The following PTPRD variants were observed in gnomAD, a reference collection of about 807,000 sequenced individuals.
The protein encoded by PTPRD is protein tyrosine phosphatase receptor type D.
A neutral mutation model predicts 214.5 loss-of-function variants in PTPRD; 34 were observed. The observed-to-expected ratio is 0.16, with a 90% CI of 0.12 to 0.21. The LOEUF (loss-of-function observed/expected upper bound fraction) is 0.21, where lower values mean the gene tolerates loss of function less well. Among genes scored for constraint, PTPRD ranks in the 10% least tolerant of loss-of-function variants. PTPRD has a pLI of 1.00. For synonymous variants in PTPRD, 1,128 were observed against 845.7 expected, an observed-to-expected ratio of 1.33 and a Z score of -5.79; for missense variants, 2,545 against 2,398.7, an observed-to-expected ratio of 1.06 and a Z score of -1.27.
At chr9:8,955,850 A>G (rs186307060) in intron 11 of PTPRD, among the ~76,000 whole-genome samples, 223 of 152,040 alleles carry the variant, frequency 1.5e-3, no homozygotes, top group Non-Finnish European at 2.5e-3. Flanking sequence ...AAAGAAGAAA[A>G]GAAACTCATG....
intron 14 of PTPRD, among the ~76,000 whole-genome samples, chr9:8,625,044 A>G (rs2095973106): frequency 6.6e-6 from 1 of 151,818 alleles, no homozygotes. Flanking sequence ...TGCCCAATAA[A>G]TGCCAGGAAC....
chr9:9,468,971 A>C (rs1280367617), intron 8 of PTPRD, among the ~76,000 whole-genome samples: 2 of 152,152 alleles, frequency 1.3e-5, no homozygotes, highest in Non-Finnish European at 1.5e-5. Context: ...GGGAAACTGT[A>C]CCATTCAATC....
chr9:8,485,819 T>C lies in PTPRD; in HGVS notation c.2998A>G (p.Lys1000Glu), dbSNP rs773714012. 6.2e-7 allele frequency: 1 copy of C among 1,614,110 alleles called. No individual in the cohort carries two copies. Among genetic ancestry groups the C allele is most frequent in the South Asian group, 1.1e-5 (1 of 91,078 alleles). ...CTGGGACTATATGGCCCGGGCCCTT[T>C]GCTCGTATGAGCACGTACTTTTACA... Reference protein sequence around the residue: ...YDVKVRAHTSKGPGPYSPSVQ... With the variant: ...YDVKVRAHTSEGPGPYSPSVQ... Residue 1000 changes from lysine (K) to glutamate (E), a missense_variant, in exon 28 of 46, where the codon AAA becomes GAA. Physicochemically the swap from Lys to Glu is moderately conservative, Grantham distance 56. Coordinates refer to ENST00000381196, the MANE Select transcript of PTPRD (RefSeq NM_002839.4).
chr9:8,328,947 T>G (rs1836825447), intron 44 of PTPRD, among the ~76,000 whole-genome samples: 1 of 152,148 alleles, frequency 6.6e-6, no homozygotes, highest in African/African-American at 2.4e-5. Context: ...TTCCAGGTAC[T>G]TAGCTTCCTT....
chr9:9,162,078 T>G (rs1476119918), intron 10 of PTPRD, among the ~76,000 whole-genome samples: 1 of 152,114 alleles, frequency 6.6e-6, no homozygotes, highest in Non-Finnish European at 1.5e-5. Flanking sequence ...TTCAACTATT[T>G]TCTTGCCAAT....
intron 7 of PTPRD, among the ~76,000 whole-genome samples, chr9:9,584,922 A>T (rs556269241): frequency 6.6e-6 from 1 of 152,026 alleles, no homozygotes; most frequent in Non-Finnish European, 1.5e-5. Flanking sequence ...CACCCAAAAA[A>T]TTCTAATGAT....
At chr9:9,882,192 C>T (rs772171892) in intron 5 of PTPRD, among the ~76,000 whole-genome samples, 5 of 152,068 alleles carry the variant, frequency 3.3e-5, no homozygotes, top group Middle Eastern at 3.2e-3. Flanking sequence ...ATGCCCTTCA[C>T]CACCTGAATT....
chr9:9,231,982 G>A (rs187066545), intron 9 of PTPRD, among the ~76,000 whole-genome samples: 2 of 152,036 alleles, frequency 1.3e-5, no homozygotes, highest in Admixed American at 6.6e-5. Flanking sequence ...ACTGTCCAAA[G>A]GTGCATCTCC....
chr9:9,691,921 T>C (rs2097278823), intron 7 of PTPRD, among the ~76,000 whole-genome samples: 1 of 152,096 alleles, frequency 6.6e-6, no homozygotes, highest in African/African-American at 2.4e-5. Flanking sequence ...TTGTATGCCT[T>C]CTTCTGGGAA....
In PTPRD at chr9:8,315,235, A is replaced by T. The variant is rs956092410; in HGVS notation, c.*2639T>A. ...TTCTAGGAACAGCTCCTGAACAGTA[A>T]GATTCCCGCAATAGTCTCCGCCTCG... On this transcript the variant is annotated 3_prime_UTR_variant, in exon 46 of 46. Transcript: ENST00000381196. 2 of 232,648 alleles carry T rather than the reference A, an allele frequency of 8.6e-6. No individual in the cohort carries two copies. Among genetic ancestry groups the T allele is most frequent in the African/African-American group, 4.4e-5 (2 of 45,266 alleles). 14.4% of individuals were successfully genotyped at this position (232,648 alleles called of 1,614,324 possible).
intron 3 of PTPRD, among the ~76,000 whole-genome samples, chr9:10,214,154 G>T (rs562117147): frequency 6.6e-6 from 1 of 152,040 alleles, no homozygotes; most frequent in Admixed American, 6.6e-5. Flanking sequence ...TACATCACAT[G>T]CAATCATTCT....
chr9:9,573,616 G>A (rs952490230), intron 8 of PTPRD, among the ~76,000 whole-genome samples: 3 of 151,506 alleles, frequency 2.0e-5, no homozygotes, highest in Admixed American at 6.6e-5. Flanking sequence ...GTTCATTCAG[G>A]TATATTTGTG....
intron 9 of PTPRD, among the ~76,000 whole-genome samples, chr9:9,367,919 G>A (rs1309039998): frequency 6.6e-6 from 1 of 151,722 alleles, no homozygotes. Flanking sequence ...ATAAGGGAGA[G>A]CTACTAGCAC....
chr9:10,592,906 C>T (rs1336768653), intron 2 of PTPRD, among the ~76,000 whole-genome samples: 1 of 151,962 alleles, frequency 6.6e-6, no homozygotes, highest in Non-Finnish European at 1.5e-5. Context: ...CCAGCAGCAG[C>T]AACCTGCTCT....
intron 3 of PTPRD, among the ~76,000 whole-genome samples, chr9:10,130,978 C>T (rs1182546899): frequency 2.0e-5 from 3 of 152,076 alleles, no homozygotes; most frequent in Non-Finnish European, 2.9e-5. Flanking sequence ...AAGAATAGAT[C>T]CCTAAAGCTC....
intron 11 of PTPRD, among the ~76,000 whole-genome samples, chr9:8,748,909 A>G (rs902160836): frequency 6.6e-6 from 1 of 152,146 alleles, no homozygotes; most frequent in Non-Finnish European, 1.5e-5. Context: ...AAACTCCATC[A>G]TAAAAAAAGA....
chr9:8,673,875 C>T (rs1453999220), intron 12 of PTPRD, among the ~76,000 whole-genome samples: 2 of 152,088 alleles, frequency 1.3e-5, no homozygotes, highest in East Asian at 1.9e-4. Flanking sequence ...CTGTGCCTTG[C>T]AGGATGTTCA....
rs142450326 is a variant in PTPRD at position 9,008,116 on chromosome 9, C to G, written c.-104+10581G>C. Among the ~76,000 whole-genome samples, 652 of 148,502 alleles carry G rather than the reference C, an allele frequency of 4.4e-3. 5 individuals carry two copies. The highest frequency in any genetic ancestry group is 0.013 in the African/African-American group (543 of 40,860). On this transcript the variant is annotated intron_variant, in intron 11 of 45. Coordinates refer to ENST00000381196, the MANE Select transcript of PTPRD (RefSeq NM_002839.4). ...AGATGGCGGCTTTTCATGTTTTTAA[C>G]TTTTAGGATGTTTACTTATCCTATG...
At chr9:8,358,644 ACT>A (rs749397454) in intron 39 of PTPRD, among the ~76,000 whole-genome samples, 4 of 151,994 alleles carry the variant, frequency 2.6e-5, no homozygotes, top group Non-Finnish European at 4.4e-5. Context: ...TAATTTCAGT[ACT>A]CTTTTTTCTA....
Sources: gnomAD v4.1 joint callset for allele counts (sites outside exome capture counted in the v4.1 genomes callset) on GRCh38, gnomAD v4.1.1 for gene constraint, MANE v1.5 for transcripts, NCBI Gene and HGNC (gene_info 2026-07-23, HGNC 2026-07-21) for gene names.